Variants in BCAT1 observed in about 807,000 individuals in gnomAD.
BCAT1 encodes branched chain amino acid transaminase 1, also known as branched-chain-amino-acid aminotransferase, cytosolic.
Under a neutral mutation model 52.4 loss-of-function variants are expected in BCAT1, and 48 were observed. That is an observed-to-expected ratio of 0.92 (90% CI 0.73 to 1.16). BCAT1 has a LOEUF of 1.16. Ranked by LOEUF, BCAT1 falls within the 50% of genes most tolerant of loss-of-function variation. BCAT1 has a pLI of 0.00. For missense variants in BCAT1, 451 were observed against 457.1 expected, an observed-to-expected ratio of 0.99 and a Z score of 0.12; for synonymous variants, 167 against 161.3, an observed-to-expected ratio of 1.04 and a Z score of -0.27.
Position 24,930,168 on chromosome 12 carries a change from C to G in BCAT1, c.6+18759G>C, listed in dbSNP as rs573762566. ...CGGATTCTTCACAACCTCCCCTCCC[C>G]CTTGTCCTCACCTCCTGTGGAGACC... On this transcript the variant is annotated intron_variant, in intron 1 of 10. Coordinates refer to ENST00000261192, the MANE Select transcript of BCAT1 (RefSeq NM_005504.7). Among the ~76,000 whole-genome samples the G allele has an allele frequency of 5.3e-5, 8 of 152,326 alleles. No homozygotes were observed. The South Asian group carries it at 1.7e-3, about 32-fold the overall frequency.
intron 1 of BCAT1, among the ~76,000 whole-genome samples, chr12:24,947,404 G>A (rs1039330753): frequency 2.0e-5 from 3 of 152,170 alleles, no homozygotes; most frequent in South Asian, 2.1e-4. Context: ...ACTTAAGCCC[G>A]GAGAATTTGC....
At chr12:24,890,111 G>A (rs1942794538) in intron 3 of BCAT1, among the ~76,000 whole-genome samples, 1 of 152,140 alleles carries the variant, frequency 6.6e-6, no homozygotes, top group Non-Finnish European at 1.5e-5. Flanking sequence ...GTTTCCCTGA[G>A]TTTTGTGAGC....
chr12:24,854,539 G>T (rs1279114145), intron 5 of BCAT1, among the ~76,000 whole-genome samples: 1 of 152,072 alleles, frequency 6.6e-6, no homozygotes, highest in East Asian at 1.9e-4. Flanking sequence ...TCCATACAGG[G>T]CTTGAATGCT....
Position 24,860,928 on chromosome 12 carries a change from T to C in BCAT1, c.511-10979A>G, listed in dbSNP as rs1265687961. ...AGATTTCTTATGGAACAAAGTTACA[T>C]CAAAGTCAATTTTTAAAAAGCCTAC... is the stretch of plus-strand genomic sequence containing the variant. On this transcript the variant is annotated intron_variant, in intron 5 of 10. Transcript: ENST00000261192. Among the ~76,000 whole-genome samples, 4 of 152,352 alleles carry C rather than the reference T, an allele frequency of 2.6e-5. No homozygotes were observed. In the East Asian group the frequency reaches 7.7e-4, roughly 29 times the overall value.
intron 1 of BCAT1, chr12:24,945,779 A>T (rs1026390393): frequency 6.6e-6 from 1 of 152,116 alleles, no homozygotes; most frequent in Non-Finnish European, 1.5e-5. Context: ...AGTAGAGATC[A>T]CTCTGCGGCA....
chr12:24,913,821 G>A (rs1240208964), intron 1 of BCAT1, among the ~76,000 whole-genome samples: 8 of 152,120 alleles, frequency 5.3e-5, no homozygotes, highest in Non-Finnish European at 1.5e-5. Context: ...CTGGAATGGG[G>A]GTCTTATAAC....
At chr12:24,820,747 G>A (rs1480047102) in intron 10 of BCAT1, among the ~76,000 whole-genome samples, 1 of 152,120 alleles carries the variant, frequency 6.6e-6, no homozygotes, top group Admixed American at 6.6e-5. Context: ...AAATTCCAGC[G>A]AGAACACTAA....
rs1289594667 is a variant in BCAT1, at chr12:24,812,654, C to T, written c.*5354G>A. On this transcript the variant is annotated 3_prime_UTR_variant, in exon 11 of 11. Transcript: ENST00000261192. ...GCTTGACAGAATAAGGAAAAAGCTCCTTTGGATAACACAAAAATATGTTTT... is the reference window on the plus strand; with the variant it reads ...GCTTGACAGAATAAGGAAAAAGCTCTTTTGGATAACACAAAAATATGTTTT... 1 of 151,984 alleles carries T rather than the reference C, an allele frequency of 6.6e-6. No individual in the cohort carries two copies. The highest frequency in any genetic ancestry group is 1.5e-5 in the Non-Finnish European group (1 of 67,886). The allele number at this position is 151,984 out of a possible 1,614,324, so 9.4% of individuals were successfully genotyped here.
In BCAT1 at chr12:24,829,803, AAAG is replaced by A; in HGVS notation, c.1119+17_1119+19del. On this transcript the variant is annotated intron_variant, in intron 10 of 10. Transcript: ENST00000261192. ...AAAGAAAAGAAAAGGAAAGAAAAGA[AAAG>A]AAAAGAAAAGCTTTACCTGGATATC... 6.3e-7 allele frequency: 1 copy of A among 1,578,834 alleles called. No individual in the cohort carries two copies.
At chr12:24,854,514 G>C (rs114301260) in intron 5 of BCAT1, among the ~76,000 whole-genome samples, 2,354 of 152,268 alleles carry the variant, frequency 0.015, 63 homozygotes, top group African/African-American at 0.054. Flanking sequence ...GGTGCTTCAA[G>C]GGAGAGCTCA....
chr12:24,836,142 A>T (rs988314663), intron 8 of BCAT1, among the ~76,000 whole-genome samples: 1 of 152,194 alleles, frequency 6.6e-6, no homozygotes, highest in Admixed American at 6.5e-5. Context: ...GGAAAGGAAG[A>T]AGTATCATTG....
chr12:24,900,731 G>A (rs1008494163), intron 2 of BCAT1, among the ~76,000 whole-genome samples: 2 of 152,222 alleles, frequency 1.3e-5, no homozygotes, highest in African/African-American at 4.8e-5. Flanking sequence ...AGGAGTTCGA[G>A]ACCAGCCTGG....
At chr12:24,908,134 T>C (rs1036114782) in intron 1 of BCAT1, among the ~76,000 whole-genome samples, 1 of 152,230 alleles carries the variant, frequency 6.6e-6, no homozygotes, top group Non-Finnish European at 1.5e-5. Context: ...CACTCCTAGA[T>C]ATGAGCTTCT....
At position 24,848,658 on chromosome 12, in the gene BCAT1, C is replaced by G. The variant is rs188114160; in HGVS notation, c.674+1128G>C. On this transcript the variant is annotated intron_variant, in intron 6 of 10. Coordinates refer to ENST00000261192, the MANE Select transcript of BCAT1 (RefSeq NM_005504.7). Reference sequence around the variant, plus strand: ...TATATGGTATGCAGTGGTACATAGGCACATGCTCTGCGAAGAAGTTTGAAC... The same window carrying G: ...TATATGGTATGCAGTGGTACATAGGGACATGCTCTGCGAAGAAGTTTGAAC... Among the ~76,000 whole-genome samples the G allele has an allele frequency of 5.0e-4, 76 of 152,262 alleles. No homozygotes were observed. In the Middle Eastern group the frequency reaches 0.014, roughly 27 times the overall value.
chr12:24,909,884 G>T (rs1255094476), intron 1 of BCAT1, among the ~76,000 whole-genome samples: 1 of 152,132 alleles, frequency 6.6e-6, no homozygotes, highest in Non-Finnish European at 1.5e-5. Flanking sequence ...GGAGCCACGT[G>T]CAGGCTCATT....
chr12:24,856,086 C>A (rs910849502), intron 5 of BCAT1, among the ~76,000 whole-genome samples: 2 of 152,174 alleles, frequency 1.3e-5, no homozygotes, highest in African/African-American at 4.8e-5. Flanking sequence ...GATGCCTTTG[C>A]CTGTAACCTC....
At chr12:24,879,723 T>A (rs1402162826) in intron 4 of BCAT1, among the ~76,000 whole-genome samples, 1 of 152,220 alleles carries the variant, frequency 6.6e-6, no homozygotes, top group African/African-American at 2.4e-5. Flanking sequence ...TCTAATTTCT[T>A]GCCCTGTCCT....
At chr12:24,918,545 C>G (rs1439528820) in intron 1 of BCAT1, among the ~76,000 whole-genome samples, 1 of 152,056 alleles carries the variant, frequency 6.6e-6, no homozygotes, top group Non-Finnish European at 1.5e-5. Context: ...TCTTGGACTT[C>G]CAGGGGTCCT....
chr12:24,855,184 C>T (rs1019579994), intron 5 of BCAT1, among the ~76,000 whole-genome samples: 1 of 151,998 alleles, frequency 6.6e-6, no homozygotes, highest in African/African-American at 2.4e-5. Flanking sequence ...AACAGATGTT[C>T]CAGAGTTGTT....
Sources: allele counts gnomAD v4.1 joint callset (sites outside exome capture counted in the v4.1 genomes callset), GRCh38; gene constraint gnomAD v4.1.1; transcripts MANE v1.5; gene names NCBI Gene and HGNC (gene_info 2026-07-23, HGNC 2026-07-21).